The following IL1RAPL1 variants were observed in gnomAD, a reference collection of about 807,000 sequenced individuals.
IL1RAPL1 encodes interleukin 1 receptor accessory protein like 1, also known as interleukin-1 receptor accessory protein-like 1.
A neutral mutation model predicts 48.4 loss-of-function variants in IL1RAPL1; 3 were observed. That is an observed-to-expected ratio of 0.06 (90% CI 0.03 to 0.16). The LOEUF is 0.16. Ranked by LOEUF, IL1RAPL1 falls within the 10% of genes least tolerant of loss-of-function variation. The pLI is 1.00. For synonymous variants in IL1RAPL1, 185 were observed against 187.7 expected (o/e 0.99, Z 0.12); for missense variants, 349 against 530.6 (o/e 0.66, Z 3.36).
intron 2 of IL1RAPL1, among the ~76,000 whole-genome samples, chrX:28,974,824 A>G (rs775475007): frequency 1.8e-5 from 2 of 111,687 alleles, no homozygotes; most frequent in Non-Finnish European, 3.8e-5. Flanking sequence ...GTGGACAATT[A>G]TCATCTTCTG....
intron 5 of IL1RAPL1, among the ~76,000 whole-genome samples, chrX:29,493,520 T>G (rs1935180742): frequency 8.9e-6 from 1 of 112,083 alleles, no homozygotes; most frequent in Admixed American, 9.5e-5. Flanking sequence ...TTTGTGAATT[T>G]CACTAAATAA....
chrX:29,753,419 A>G (rs1037338410), intron 6 of IL1RAPL1, among the ~76,000 whole-genome samples: 1 of 111,843 alleles, frequency 8.9e-6, no homozygotes, highest in African/African-American at 3.2e-5. Context: ...TTCTATTCAA[A>G]TAACCAGTTT....
At chrX:29,910,741 C>T (rs1163184351) in intron 6 of IL1RAPL1, among the ~76,000 whole-genome samples, 1 of 111,298 alleles carries the variant, frequency 9.0e-6, no homozygotes, top group East Asian at 2.8e-4. Flanking sequence ...TAATTTTGAA[C>T]AGTACTGGTG....
chrX:29,798,254 T>C (rs1023140086), intron 6 of IL1RAPL1, among the ~76,000 whole-genome samples: 2 of 112,096 alleles, frequency 1.8e-5, no homozygotes, highest in Admixed American at 1.9e-4. Context: ...GTGATGCTGA[T>C]GGAGCTCCAA....
At position 28,860,752 on chromosome X, in the gene IL1RAPL1, G is replaced by A. The variant is rs527360803; in HGVS notation, c.82+71327G>A. Among the ~76,000 whole-genome samples, 22 of 111,302 alleles carry A rather than the reference G, an allele frequency of 2.0e-4. No homozygotes were observed. The South Asian group carries it at 7.1e-3, about 36-fold the overall frequency. Reference sequence around the variant, plus strand: ...GCTGGGATTACATGCATGAGCCACCGCACTGCGCCTGGCCTATTTCCTTTT... The same window carrying A: ...GCTGGGATTACATGCATGAGCCACCACACTGCGCCTGGCCTATTTCCTTTT... On this transcript the variant is annotated intron_variant, in intron 2 of 10. Transcript: ENST00000378993.
chrX:29,421,547 G>GA (rs374967311), intron 5 of IL1RAPL1, among the ~76,000 whole-genome samples: 19 of 104,080 alleles, frequency 1.8e-4, no homozygotes, highest in African/African-American at 4.6e-4. Context: ...GAGAGTAACA[G>GA]AAAAAAAAAT....
At chrX:29,739,373 C>CTT (rs200097176) in intron 6 of IL1RAPL1, among the ~76,000 whole-genome samples, 3,198 of 111,420 alleles carry the variant, frequency 0.029, 107 homozygotes, top group African/African-American at 0.099. Flanking sequence ...GAAAAGAAAA[C>CTT]TTCCTTATAC....
intron 1 of IL1RAPL1, among the ~76,000 whole-genome samples, chrX:28,750,734 A>AT (rs757242223): frequency 2.7e-5 from 3 of 111,618 alleles, no homozygotes; most frequent in African/African-American, 9.7e-5. Flanking sequence ...AAAGCCATAC[A>AT]TTTTTTCTTT....
At chrX:29,339,571 G>T (rs1933045664) in intron 3 of IL1RAPL1, among the ~76,000 whole-genome samples, 1 of 111,598 alleles carries the variant, frequency 9.0e-6, no homozygotes, top group Non-Finnish European at 1.9e-5. Flanking sequence ...TCTTTTTAAA[G>T]AACTATTCTA....
intron 2 of IL1RAPL1, among the ~76,000 whole-genome samples, chrX:29,097,707 T>A (rs1928245695): frequency 9.3e-6 from 1 of 107,514 alleles, no homozygotes; most frequent in Admixed American, 9.9e-5. Flanking sequence ...GAAAAAAAAA[T>A]AACTTGATTC....
At chrX:29,591,023 C>T (rs917817516) in intron 5 of IL1RAPL1, among the ~76,000 whole-genome samples, 10 of 112,256 alleles carry the variant, frequency 8.9e-5, no homozygotes, top group African/African-American at 2.9e-4. Flanking sequence ...TACACATCCT[C>T]GAGGCATGCA....
intron 3 of IL1RAPL1, among the ~76,000 whole-genome samples, chrX:29,322,709 C>T (rs769310038): frequency 8.9e-6 from 1 of 111,857 alleles, no homozygotes; most frequent in Non-Finnish European, 1.9e-5. Flanking sequence ...CTCTCTCATG[C>T]ATCTTTGGCT....
At chrX:29,334,542 G>A (rs1289070757) in intron 3 of IL1RAPL1, among the ~76,000 whole-genome samples, 32 of 109,020 alleles carry the variant, frequency 2.9e-4, no homozygotes, top group African/African-American at 1.1e-3. Context: ...GGACGGAGGG[G>A]CTCCTCACTT....
At chrX:29,000,831 CT>C (rs34416836) in intron 2 of IL1RAPL1, among the ~76,000 whole-genome samples, 2,807 of 95,193 alleles carry the variant, frequency 0.029, 91 homozygotes, top group African/African-American at 0.095. Flanking sequence ...AAGTATAACT[CT>C]TTTTTTTTTT....
At chrX:28,654,222 GAACA>G (rs1934724096) in intron 1 of IL1RAPL1, among the ~76,000 whole-genome samples, 1 of 101,472 alleles carries the variant, frequency 9.9e-6, no homozygotes, top group South Asian at 4.2e-4. Flanking sequence ...AAACACACAC[GAACA>G]AACAAACAAA....
chrX:28,815,841 A>ATGTGTGTGTG (rs1331794644), intron 2 of IL1RAPL1, among the ~76,000 whole-genome samples: 10 of 21,097 alleles, frequency 4.7e-4, no homozygotes, highest in African/African-American at 2.1e-3. Context: ...GTGTTTATGT[A>ATGTGTGTGTG]TATATATATA....
chrX:29,250,234 G>A (rs1931581804), intron 2 of IL1RAPL1, among the ~76,000 whole-genome samples: 1 of 111,466 alleles, frequency 9.0e-6, no homozygotes, highest in African/African-American at 3.3e-5. Flanking sequence ...AAGTCCTAAA[G>A]GGAATAACAA....
At position 29,707,781 on chromosome X, in the gene IL1RAPL1, G is replaced by A. The variant is rs143379412; in HGVS notation, c.778+39277G>A. The stretch of plus-strand genomic sequence containing the variant: ...ATGATACATTGGACTTTGGGGACTC[G>A]GAGAAAGGGTGGGGGTTGGTGAGGA... On this transcript the variant is annotated intron_variant, in intron 6 of 10. Coordinates refer to ENST00000378993, the MANE Select transcript of IL1RAPL1 (RefSeq NM_014271.4). 5.3e-4 allele frequency among the ~76,000 whole-genome samples: 59 copies of A among 110,429 alleles called. 1 individual carries two copies. The East Asian group carries it at 0.01, about 19-fold the overall frequency.
intron 3 of IL1RAPL1, among the ~76,000 whole-genome samples, chrX:29,368,246 C>T (rs760012802): frequency 8.9e-6 from 1 of 112,239 alleles, no homozygotes; most frequent in South Asian, 3.6e-4. Flanking sequence ...AGGTTATATG[C>T]AAAGACTGTG....
Sources: allele counts gnomAD v4.1 joint callset (sites outside exome capture counted in the v4.1 genomes callset), GRCh38; gene constraint gnomAD v4.1.1; transcripts MANE v1.5; gene names NCBI Gene and HGNC (gene_info 2026-07-23, HGNC 2026-07-21).